Variants in FAM78B observed in about 807,000 individuals in gnomAD.
The protein encoded by FAM78B is protein FAM78B.
A neutral mutation model predicts 20.0 loss-of-function variants in FAM78B; 10 were observed. That is an observed-to-expected ratio of 0.50 (90% confidence interval 0.31 to 0.85). The LOEUF (loss-of-function observed/expected upper bound fraction) is 0.85. Among genes scored for constraint, FAM78B ranks in the 40% least tolerant of loss-of-function variants. The pLI is 0.05. For synonymous variants in FAM78B, 135 were observed against 132.8 expected (o/e 1.02, Z -0.12); for missense variants, 283 against 345.0 (o/e 0.82, Z 1.42).
intron 1 of FAM78B, among the ~76,000 whole-genome samples, chr1:166,109,876 A>ATATGTG (rs1233906712): frequency 1.2e-4 from 2 of 16,258 alleles, no homozygotes; most frequent in South Asian, 2.6e-3. Context: ...GTGTATATAT[A>ATATGTG]TATATGTATA....
At chr1:166,084,857 C>A (rs1381931278) in intron 1 of FAM78B, among the ~76,000 whole-genome samples, 4 of 152,184 alleles carry the variant, frequency 2.6e-5, no homozygotes, top group African/African-American at 9.7e-5. Flanking sequence ...GGATCCCAGC[C>A]CCAAAGCCTG....
intron 1 of FAM78B, among the ~76,000 whole-genome samples, chr1:166,086,709 A>C (rs1652845380): frequency 6.6e-6 from 1 of 152,170 alleles, no homozygotes; most frequent in African/African-American, 2.4e-5. Context: ...AGGAGATATA[A>C]AGATGCTGGC....
chr1:166,087,738 T>C (rs911587188), intron 1 of FAM78B, among the ~76,000 whole-genome samples: 2 of 152,190 alleles, frequency 1.3e-5, no homozygotes, highest in Non-Finnish European at 2.9e-5. Flanking sequence ...TGTTGTCAAT[T>C]TTTAAAAGTT....
chr1:166,152,170 T>C (rs1039790985), intron 1 of FAM78B, among the ~76,000 whole-genome samples: 1 of 152,190 alleles, frequency 6.6e-6, no homozygotes, highest in African/African-American at 2.4e-5. Context: ...CTCCCCTCTC[T>C]GGAATCTTCT....
chr1:166,151,737 C>T lies in FAM78B; in HGVS notation c.263+14249G>A, dbSNP rs999703198. On this transcript the variant is annotated intron_variant, in intron 1 of 1. Coordinates refer to ENST00000354422, the MANE Select transcript of FAM78B (RefSeq NM_001017961.5). ...AGACCCACTCAACTGTTCAACCATT[C>T]GGCTAAAGAGAATTAGCTGCTTCAT... Among the ~76,000 whole-genome samples, 16 of 152,188 alleles carry T rather than the reference C, an allele frequency of 1.1e-4. No individual in the cohort carries two copies. The South Asian group carries it at 1.5e-3, about 14-fold the overall frequency.
chr1:166,157,776 G>A (rs1438513708), intron 1 of FAM78B, among the ~76,000 whole-genome samples: 2 of 152,160 alleles, frequency 1.3e-5, no homozygotes, highest in African/African-American at 4.8e-5. Context: ...ACTGTCTGCT[G>A]GGGCCCAGGG....
intron 1 of FAM78B, among the ~76,000 whole-genome samples, chr1:166,141,791 C>T (rs904814542): frequency 2.0e-5 from 3 of 152,188 alleles, no homozygotes; most frequent in Admixed American, 2.0e-4. Context: ...TGGACACTGA[C>T]AGATGCAAAG....
intron 1 of FAM78B, among the ~76,000 whole-genome samples, chr1:166,079,017 G>C (rs533406190): frequency 2.0e-5 from 3 of 149,584 alleles, no homozygotes; most frequent in Admixed American, 6.7e-5. Flanking sequence ...CTGCAGCCTT[G>C]AACTCCTGGG....
intron 1 of FAM78B, among the ~76,000 whole-genome samples, chr1:166,143,829 T>C (rs61835127): frequency 0.071 from 10,754 of 152,232 alleles, 457 homozygotes; most frequent in South Asian, 0.14. Context: ...CTTAACCACG[T>C]GAGCCCCTGT....
intron 1 of FAM78B, among the ~76,000 whole-genome samples, chr1:166,128,163 G>A (rs911242610): frequency 7.2e-5 from 11 of 152,128 alleles, no homozygotes; most frequent in African/African-American, 2.4e-4. Flanking sequence ...TTACCTATAG[G>A]AGCTAAACTT....
At chr1:166,073,849 T>A (rs895667877) in intron 1 of FAM78B, among the ~76,000 whole-genome samples, 1 of 152,184 alleles carries the variant, frequency 6.6e-6, no homozygotes, top group Non-Finnish European at 1.5e-5. Flanking sequence ...AGGGCCATCT[T>A]TGGCTCTTTC....
At chr1:166,102,260 A>C (rs1466156833) in intron 1 of FAM78B, among the ~76,000 whole-genome samples, 1 of 152,246 alleles carries the variant, frequency 6.6e-6, no homozygotes, top group African/African-American at 2.4e-5. Context: ...AAACATGCCA[A>C]ATTGTAAAGA....
downstream of FAM78B, among the ~76,000 whole-genome samples, chr1:166,056,400 G>C (rs537763346): frequency 3.9e-4 from 60 of 152,268 alleles, no homozygotes; most frequent in African/African-American, 1.2e-3. Flanking sequence ...AAAGATCAGA[G>C]TGCAGGTGGT....
At chr1:166,093,161 T>G (rs1653145712) in intron 1 of FAM78B, among the ~76,000 whole-genome samples, 2 of 152,084 alleles carry the variant, frequency 1.3e-5, no homozygotes, top group Admixed American at 1.3e-4. Context: ...CCTATTAAAT[T>G]TTCCTGTTTT....
downstream of FAM78B, among the ~76,000 whole-genome samples, chr1:166,056,163 T>A (rs552198990): frequency 1.3e-5 from 2 of 152,336 alleles, no homozygotes; most frequent in African/African-American, 4.8e-5. Context: ...ATGACATGCA[T>A]GGCAGAGGCC....
At chr1:166,142,153 C>T (rs1571200117) in intron 1 of FAM78B, among the ~76,000 whole-genome samples, 1 of 152,104 alleles carries the variant, frequency 6.6e-6, no homozygotes, top group Non-Finnish European at 1.5e-5. Flanking sequence ...GAGAGCTATA[C>T]CCAGGCAGGT....
intron 1 of FAM78B, among the ~76,000 whole-genome samples, chr1:166,155,565 G>T (rs1274756863): frequency 6.6e-6 from 1 of 152,164 alleles, no homozygotes; most frequent in South Asian, 2.1e-4. Context: ...CAAAAGACAG[G>T]CTCCTTGGTT....
intron 1 of FAM78B, among the ~76,000 whole-genome samples, chr1:166,100,737 G>A (rs190622477): frequency 2.1e-4 from 32 of 152,382 alleles, no homozygotes; most frequent in African/African-American, 7.7e-4. Flanking sequence ...AAGGAGGCCT[G>A]CCTGCCTCTG....
intron 1 of FAM78B, chr1:166,147,897 G>C (rs1571204618): frequency 6.6e-6 from 1 of 152,158 alleles, no homozygotes; most frequent in Non-Finnish European, 1.5e-5. Context: ...CAGCCTCCCA[G>C]AGTGCTGGGA....
Sources: allele counts gnomAD v4.1 joint callset (sites outside exome capture counted in the v4.1 genomes callset), GRCh38; gene constraint gnomAD v4.1.1; transcripts MANE v1.5; gene names NCBI Gene and HGNC (gene_info 2026-07-23, HGNC 2026-07-21).